The following NCOR2 variants were observed in gnomAD, a reference collection of about 807,000 sequenced individuals.
NCOR2 encodes nuclear receptor corepressor 2, also known as CTG repeat protein 26.
NCOR2 carries 81 observed loss-of-function variants against 262.9 expected under a neutral mutation model. The observed-to-expected ratio is 0.31, with a 90% CI of 0.26 to 0.37. NCOR2 has a LOEUF of 0.37. Among genes scored for constraint, NCOR2 ranks in the 10% least tolerant of loss-of-function variants. The probability of loss-of-function intolerance (pLI) is 1.00; values close to 1 mark genes in which losing one functional copy is unlikely to be tolerated. For missense variants in NCOR2, 3,385 were observed against 3,621.4 expected (o/e 0.93, Z 1.68); for synonymous variants, 1,659 against 1,559.3 (o/e 1.06, Z -1.51).
rs753590635 is a variant in NCOR2, at chr12:124,340,153, C to T, written c.5540G>A (p.Arg1847His). Residue 1847 changes from arginine (R) to histidine (H), a missense_variant, in exon 37 of 47, where the codon CGC becomes CAC. By Grantham distance (29) the Arg-to-His change is conservative. Coordinates refer to ENST00000405201, the Ensembl canonical transcript of NCOR2. ...GTGGGCATGGGAGTGGGAGGCGGGG[C>T]GGCTGCTGCTGCCCCCACCCCCGCC... is the stretch of plus-strand genomic sequence containing the variant. The T allele has an allele frequency of 1.3e-5, 21 of 1,587,752 alleles. No homozygotes were observed. The highest frequency in any genetic ancestry group is 1.7e-4 in the Middle Eastern group (1 of 5,940).
At chr12:124,552,923 G>T (rs575212159) in intron 1 of NCOR2, among the ~76,000 whole-genome samples, 1 of 152,142 alleles carries the variant, frequency 6.6e-6, no homozygotes, top group Admixed American at 6.5e-5. Context: ...GGCCTCAAGC[G>T]ATCCTCCCAC....
chr12:124,466,040 C>A lies in NCOR2; in HGVS notation c.705+133G>T, dbSNP rs930841523. 9.2e-6 allele frequency: 8 copies of A among 866,958 alleles called. No homozygotes were observed. The Admixed American group carries it at 1.3e-4, about 14-fold the overall frequency. 53.7% of individuals were successfully genotyped at this position (866,958 alleles called of 1,614,324 possible). Reference sequence around the variant, plus strand: ...TTCCCCCACCCACTCATAAACCCTGCGTCTCTGGGGGAGAGGGTGGCGAGG... The same window carrying A: ...TTCCCCCACCCACTCATAAACCCTGAGTCTCTGGGGGAGAGGGTGGCGAGG... On this transcript the variant is annotated intron_variant, in intron 5 of 46. Transcript: ENST00000405201.
rs142572356 is a variant in NCOR2, at chr12:124,352,204, C to T, written c.3694-1467G>A. 1.1e-3 allele frequency among the ~76,000 whole-genome samples: 167 copies of T among 152,266 alleles called. 3 individuals carry two copies. The East Asian group carries it at 0.014, about 13-fold the overall frequency. The stretch of plus-strand genomic sequence containing the variant: ...GCACAGGATTCCTGCAGCATCCTGG[C>T]GGGAAAAGCCCCCCAAGAGGCAGCT... On this transcript the variant is annotated intron_variant, in intron 27 of 46. Transcript: ENST00000405201.
chr12:124,407,629 A>G (rs2042346587), intron 13 of NCOR2, among the ~76,000 whole-genome samples: 1 of 152,230 alleles, frequency 6.6e-6, no homozygotes, highest in South Asian at 2.1e-4. Flanking sequence ...GAGAGGAGAC[A>G]GTCCAGTGAG....
chr12:124,557,263 G>C (rs1269589180), intron 1 of NCOR2, among the ~76,000 whole-genome samples: 2 of 152,210 alleles, frequency 1.3e-5, no homozygotes, highest in Non-Finnish European at 2.9e-5. Flanking sequence ...CCACACGCCG[G>C]GGACTTAAAA....
intron 13 of NCOR2, among the ~76,000 whole-genome samples, chr12:124,410,216 T>C (rs1377005234): frequency 6.8e-6 from 1 of 147,148 alleles, no homozygotes; most frequent in African/African-American, 2.5e-5. Context: ...ATCTGCTGCC[T>C]GGGGAGCGCT....
At chr12:124,355,139 C>T (rs1020807439) in intron 24 of NCOR2, 200 bp from the exon 27 acceptor site, 13 of 615,108 alleles carry the variant, frequency 2.1e-5, no homozygotes, top group Non-Finnish European at 3.4e-5. Flanking sequence ...CTCTGAGCCC[C>T]TTGCATTTGC....
At chr12:124,564,937 A>T (rs1403895826) in intron 1 of NCOR2, among the ~76,000 whole-genome samples, 6 of 139,508 alleles carry the variant, frequency 4.3e-5, no homozygotes, top group Non-Finnish European at 6.2e-5. Flanking sequence ...CCCCGAGAAC[A>T]ATCAAGCCGT....
At chr12:124,424,211 T>C (rs529999203) in intron 11 of NCOR2, among the ~76,000 whole-genome samples, 1 of 152,190 alleles carries the variant, frequency 6.6e-6, no homozygotes. Context: ...CCTTTTTTTT[T>C]GTATTTCAGA....
At chr12:124,551,775 G>C (rs1304207015) in intron 1 of NCOR2, among the ~76,000 whole-genome samples, 1 of 152,206 alleles carries the variant, frequency 6.6e-6, no homozygotes, top group Non-Finnish European at 1.5e-5. Flanking sequence ...AGAGGCCTGG[G>C]GGAAGGAGGC....
At chr12:124,532,201 GT>G (rs2050832339) in intron 1 of NCOR2, among the ~76,000 whole-genome samples, 1 of 152,050 alleles carries the variant, frequency 6.6e-6, no homozygotes. Flanking sequence ...CCTGAGGTCT[GT>G]CCCCCCTTGT....
chr12:124,390,889 G>A (rs1178361572), intron 16 of NCOR2, among the ~76,000 whole-genome samples: 1 of 152,268 alleles, frequency 6.6e-6, no homozygotes, highest in Non-Finnish European at 1.5e-5. Flanking sequence ...AAGACAGGAA[G>A]TCCAGCCAGG....
chr12:124,407,366 A>C (rs2042333274), intron 13 of NCOR2, among the ~76,000 whole-genome samples: 1 of 152,260 alleles, frequency 6.6e-6, no homozygotes, highest in African/African-American at 2.4e-5. Flanking sequence ...TTGGCAGAGC[A>C]GGAGGCCTCT....
At chr12:124,502,798 T>C (rs1388584158) in intron 1 of NCOR2, among the ~76,000 whole-genome samples, 2 of 152,170 alleles carry the variant, frequency 1.3e-5, no homozygotes, top group Non-Finnish European at 2.9e-5. Flanking sequence ...TAGCTGCCCC[T>C]GTGTCGAGGA....
At chr12:124,544,398 G>T (rs974930330) in intron 1 of NCOR2, among the ~76,000 whole-genome samples, 4 of 152,222 alleles carry the variant, frequency 2.6e-5, no homozygotes, top group Non-Finnish European at 5.9e-5. Context: ...CCTCTGCCCC[G>T]GGCTGCCCGC....
intron 22 of NCOR2, among the ~76,000 whole-genome samples, chr12:124,360,454 C>T (rs577854702): frequency 6.6e-6 from 1 of 152,252 alleles, no homozygotes; most frequent in Non-Finnish European, 1.5e-5. Flanking sequence ...CTGTGACCTC[C>T]CGCTGCTGCC....
At chr12:124,567,455 G>C (rs1460502580) in exon 1 of NCOR2, 1 of 149,606 alleles carries the variant, frequency 6.7e-6, no homozygotes, top group South Asian at 2.1e-4. Context: ...CCGCCTCCTA[G>C]GGCGCCGGCC....
chr12:124,349,772 G>A (rs188248128), intron 28 of NCOR2, among the ~76,000 whole-genome samples: 1 of 152,288 alleles, frequency 6.6e-6, no homozygotes, highest in Admixed American at 6.5e-5. Context: ...CTCAAGACAA[G>A]CTCTTGACTA....
intron 16 of NCOR2, 112 bp from the exon 19 acceptor site, chr12:124,385,999 T>C: frequency 7.5e-7 from 1 of 1,337,150 alleles, no homozygotes; most frequent in Non-Finnish European, 1.0e-6. Flanking sequence ...AGCCTGGGGC[T>C]CCCTGCTCAG....
Sources: gnomAD v4.1 joint callset for allele counts (sites outside exome capture counted in the v4.1 genomes callset) on GRCh38, gnomAD v4.1.1 for gene constraint, MANE v1.5 for transcripts, NCBI Gene and HGNC (gene_info 2026-07-23, HGNC 2026-07-21) for gene names.